GOLGA4: variants seen among roughly 807,000 people sequenced by gnomAD.
The protein encoded by GOLGA4 is golgin A4, also known as golgin subfamily A member 4.
In GOLGA4, 169 loss-of-function variants were observed where a neutral mutation model predicts 265.9. The ratio of observed to expected loss-of-function variants is 0.64; its 90% CI spans 0.56 to 0.72. The LOEUF is 0.72. Among genes scored for constraint, GOLGA4 ranks in the 30% least tolerant of loss-of-function variants. The pLI, the probability that GOLGA4 is intolerant of heterozygous loss-of-function variation, is 0.00. For missense variants in GOLGA4, 2,482 were observed against 2,483.4 expected (o/e 1.00, Z 0.01); for synonymous variants, 923 against 855.8 (o/e 1.08, Z -1.37).
In GOLGA4 at chr3:37,282,986, A is replaced by C. The variant is rs369849858; in HGVS notation, c.477+714A>C. The stretch of plus-strand genomic sequence containing the variant: ...AAAGCTTTTTTGGAGTAAGTTGTCC[A>C]TATTTTTTTGTTTGTTTATCTTAAA... On this transcript the variant is annotated intron_variant, in intron 3 of 23. Coordinates refer to ENST00000361924, the MANE Select transcript of GOLGA4 (RefSeq NM_002078.5). Among the ~76,000 whole-genome samples the C allele has an allele frequency of 3.3e-5, 5 of 152,284 alleles. No individual in the cohort carries two copies. In the East Asian group the frequency reaches 7.7e-4, roughly 23 times the overall value.
intron 2 of GOLGA4, among the ~76,000 whole-genome samples, chr3:37,277,711 A>G (rs1466763311): frequency 5.3e-4 from 81 of 151,488 alleles, no homozygotes; most frequent in African/African-American, 1.8e-3. Context: ...TGCTTTTGTT[A>G]AAGTGTGTAC....
intron 20 of GOLGA4, among the ~76,000 whole-genome samples, chr3:37,343,512 G>A (rs1355108176): frequency 3.3e-5 from 5 of 151,438 alleles, no homozygotes; most frequent in African/African-American, 7.3e-5. Context: ...TGCTGCGCGC[G>A]GCCTGGCCAG....
chr3:37,361,586 G>T (rs1247485332), intron 23 of GOLGA4, among the ~76,000 whole-genome samples: 2 of 152,110 alleles, frequency 1.3e-5, no homozygotes, highest in African/African-American at 4.8e-5. Context: ...ATCCAAAAAA[G>T]TATTTATGTA....
rs539349489 is a variant in GOLGA4 at position 37,347,095 on chromosome 3, C to G, written c.6473-98C>G. The G allele has an allele frequency of 8.7e-6, 6 of 689,560 alleles. No homozygotes were observed. In the East Asian group the frequency reaches 1.4e-4, roughly 16 times the overall value. 42.7% of individuals were successfully genotyped at this position (689,560 alleles called of 1,614,324 possible). On this transcript the variant is annotated intron_variant, in intron 20 of 23. Coordinates refer to ENST00000361924, the MANE Select transcript of GOLGA4 (RefSeq NM_002078.5). ...TGATACAATATAAAAGCATGCCTCTCTTTGTTCCATTGGTTGTTTTTTAAA... is the reference window on the plus strand; with the variant it reads ...TGATACAATATAAAAGCATGCCTCTGTTTGTTCCATTGGTTGTTTTTTAAA...
chr3:37,303,609 A>G (rs2096898681), intron 10 of GOLGA4, among the ~76,000 whole-genome samples: 1 of 152,206 alleles, frequency 6.6e-6, no homozygotes, highest in Non-Finnish European at 1.5e-5. Flanking sequence ...AGTTGCAGGA[A>G]TTTGGAAATA....
intron 2 of GOLGA4, among the ~76,000 whole-genome samples, chr3:37,267,208 C>G (rs543736761): frequency 1.3e-5 from 2 of 152,278 alleles, no homozygotes; most frequent in Admixed American, 1.3e-4. Context: ...TTCGCTTACT[C>G]TAACCTCTTT....
intron 4 of GOLGA4, among the ~76,000 whole-genome samples, chr3:37,286,305 C>T (rs2096849197): frequency 1.3e-5 from 2 of 150,582 alleles, no homozygotes; most frequent in African/African-American, 4.9e-5. Context: ...AGGCGCCCGC[C>T]ACCGCGCCCG....
chr3:37,353,699 A>C (rs898800892), intron 21 of GOLGA4, among the ~76,000 whole-genome samples: 1 of 151,972 alleles, frequency 6.6e-6, no homozygotes, highest in Non-Finnish European at 1.5e-5. Context: ...ACACCTGACT[A>C]ATTTTTAAGA....
Position 37,324,306 on chromosome 3 carries a change from A to T in GOLGA4, c.2420A>T (p.Gln807Leu). ...AAGCTGGACGTTTTTCAGTCTTACCAGAGTGCCACACATGAGCAGACAAAA... is the reference window on the plus strand; with the variant it reads ...AAGCTGGACGTTTTTCAGTCTTACCTGAGTGCCACACATGAGCAGACAAAA... Reference protein sequence around the residue: ...SAKLDVFQSYQSATHEQTKAY... With the variant: ...SAKLDVFQSYLSATHEQTKAY... Residue 807 changes from glutamine to leucine, a missense_variant, in exon 14 of 24, where the codon CAG (glutamine) becomes CTG (leucine). Gln to Leu is a moderately radical substitution (Grantham distance 113, BLOSUM62 -2). Coordinates refer to ENST00000361924, the MANE Select transcript of GOLGA4 (RefSeq NM_002078.5). 6.2e-7 allele frequency: 1 copy of T among 1,614,252 alleles called. No individual in the cohort carries two copies. Among genetic ancestry groups the T allele is most frequent in the Non-Finnish European group, 8.5e-7 (1 of 1,180,044 alleles).
intron 2 of GOLGA4, 116 bp downstream of exon 2, chr3:37,251,600 A>T: frequency 1.7e-6 from 1 of 584,852 alleles, no homozygotes; most frequent in Non-Finnish European, 3.0e-6. Context: ...TCCTAGGTAG[A>T]GTTTTTATTA....
intron 5 of GOLGA4, among the ~76,000 whole-genome samples, chr3:37,290,659 C>G (rs907727671): frequency 1.3e-5 from 2 of 151,896 alleles, no homozygotes; most frequent in Non-Finnish European, 2.9e-5. Flanking sequence ...AAATGTATAC[C>G]CACTTTGGAA....
chr3:37,260,318 G>C (rs1239100695), intron 2 of GOLGA4, among the ~76,000 whole-genome samples: 1 of 152,052 alleles, frequency 6.6e-6, no homozygotes, highest in African/African-American at 2.4e-5. Flanking sequence ...ACAGTATCTG[G>C]GAAGATAGAA....
At chr3:37,258,104 A>G (rs151176288) in intron 2 of GOLGA4, among the ~76,000 whole-genome samples, 20,103 of 96,930 alleles carry the variant, frequency 0.21, 4,896 homozygotes, top group Non-Finnish European at 0.31. Context: ...TATGCTCTGT[A>G]TATATATATG....
intron 10 of GOLGA4, among the ~76,000 whole-genome samples, chr3:37,306,363 T>A (rs1264913476): frequency 6.6e-6 from 1 of 152,200 alleles, no homozygotes; most frequent in Admixed American, 6.5e-5. Context: ...TTAACCAGAT[T>A]TTAAACTTGG....
At chr3:37,265,026 C>T (rs1286970218) in intron 2 of GOLGA4, among the ~76,000 whole-genome samples, 1 of 152,010 alleles carries the variant, frequency 6.6e-6, no homozygotes, top group Admixed American at 6.6e-5. Flanking sequence ...CTTATATAAC[C>T]ATAGTACACT....
chr3:37,258,212 T>C (rs959182308), intron 2 of GOLGA4, among the ~76,000 whole-genome samples: 3 of 146,650 alleles, frequency 2.0e-5, no homozygotes, highest in Non-Finnish European at 1.5e-5. Context: ...ATATATAGCA[T>C]ATATATATGC....
chr3:37,352,119 C>T (rs1055451548), intron 21 of GOLGA4, among the ~76,000 whole-genome samples: 2 of 151,984 alleles, frequency 1.3e-5, no homozygotes, highest in African/African-American at 4.8e-5. Flanking sequence ...TTTGCTGTAC[C>T]TTCTCCATCA....
rs1255778842 is a variant in GOLGA4, at chr3:37,296,118, G to A, written c.713G>A (p.Gly238Asp). 6 of 1,613,618 alleles carry A rather than the reference G, an allele frequency of 3.7e-6. No homozygotes were observed. Among genetic ancestry groups the A allele is most frequent in the South Asian group, 2.2e-5 (2 of 91,066 alleles). The change falls in exon 7 of 24, where the codon GGC (glycine) becomes GAC (aspartate). Residue 238 changes from glycine (G) to aspartate (D), a missense_variant. Gly to Asp is a moderately conservative substitution (Grantham distance 94). Around this residue, in one of 3 missense-constraint regions of GOLGA4, gnomAD observed 1,536 missense variants for 1,483.7 expected, o/e 1.04. Coordinates refer to ENST00000361924, the MANE Select transcript of GOLGA4 (RefSeq NM_002078.5). ...VSLLKQRLRNGPMNVDVLKPL... is the reference protein window; with the variant it reads ...VSLLKQRLRNDPMNVDVLKPL... ...CTACTGAAACAACGATTACGAAATG[G>A]CCCGATGAATGTTGATGTACTGAAA... is the stretch of plus-strand genomic sequence containing the variant.
At chr3:37,334,143 A>G (rs1418663151) in intron 16 of GOLGA4, among the ~76,000 whole-genome samples, 2 of 152,228 alleles carry the variant, frequency 1.3e-5, no homozygotes, top group Admixed American at 6.5e-5. Context: ...CCTGTACAAT[A>G]AATCATGGCA....
Sources: allele counts gnomAD v4.1 joint callset (sites outside exome capture counted in the v4.1 genomes callset), GRCh38; gene constraint gnomAD v4.1.1; regional missense constraint gnomAD v4.1.1; transcripts MANE v1.5; gene names NCBI Gene and HGNC (gene_info 2026-07-23, HGNC 2026-07-21).